The following SCD5 variants were observed in gnomAD, a reference collection of about 807,000 sequenced individuals.
SCD5 encodes the protein stearoyl-CoA desaturase 5, also known as acyl-CoA-desaturase 4.
SCD5 carries 20 observed loss-of-function variants against 30.4 expected under a neutral mutation model. The ratio of observed to expected loss-of-function variants is 0.66; its 90% CI spans 0.46 to 0.96. The LOEUF (loss-of-function observed/expected upper bound fraction) is 0.96. Among genes scored for constraint, SCD5 ranks in the 40% least tolerant of loss-of-function variants. The probability of loss-of-function intolerance (pLI) is 0.00; values close to 1 mark genes in which losing one functional copy is unlikely to be tolerated. For synonymous variants in SCD5, 173 were observed against 176.4 expected (o/e 0.98, Z 0.16); for missense variants, 381 against 443.3 (o/e 0.86, Z 1.26).
chr4:82,674,276 T>C (rs1728389547), intron 3 of SCD5, among the ~76,000 whole-genome samples: 2 of 152,170 alleles, frequency 1.3e-5, no homozygotes, highest in South Asian at 2.1e-4. Flanking sequence ...CCAAAATATA[T>C]GAAGAACTCT....
At chr4:82,729,760 TA>T (rs1720587072) in intron 1 of SCD5, among the ~76,000 whole-genome samples, 1 of 152,058 alleles carries the variant, frequency 6.6e-6, no homozygotes, top group African/African-American at 2.4e-5. Context: ...AAGCAGAACA[TA>T]AATCTGTAAA....
intron 1 of SCD5, among the ~76,000 whole-genome samples, chr4:82,748,525 G>T (rs1721040239): frequency 6.6e-6 from 1 of 152,196 alleles, no homozygotes; most frequent in South Asian, 2.1e-4. Flanking sequence ...CACCTGCCCA[G>T]CTGAGACTTA....
chr4:82,697,824 C>T (rs1236393727), intron 2 of SCD5, among the ~76,000 whole-genome samples: 2 of 152,162 alleles, frequency 1.3e-5, no homozygotes, highest in African/African-American at 2.4e-5. Flanking sequence ...CGGAGTATTC[C>T]GCATAACGGA....
At chr4:82,679,114 G>A (rs750299649) in intron 3 of SCD5, among the ~76,000 whole-genome samples, 3 of 150,200 alleles carry the variant, frequency 2.0e-5, no homozygotes, top group Non-Finnish European at 4.4e-5. Context: ...CAGGAGAATC[G>A]CTTGAACTCA....
chr4:82,760,995 T>A (rs529909727), intron 1 of SCD5, among the ~76,000 whole-genome samples: 3 of 152,342 alleles, frequency 2.0e-5, no homozygotes, highest in African/African-American at 7.2e-5. Flanking sequence ...TAGCCTTTAT[T>A]TGTGGCAAAT....
chr4:82,679,377 G>C (rs1296621373), intron 3 of SCD5, among the ~76,000 whole-genome samples: 2 of 152,016 alleles, frequency 1.3e-5, no homozygotes, highest in Non-Finnish European at 2.9e-5. Flanking sequence ...GATACCGGGT[G>C]TTTTCACCTA....
At chr4:82,638,249 T>A (rs950772213) in intron 3 of SCD5, among the ~76,000 whole-genome samples, 35 of 152,068 alleles carry the variant, frequency 2.3e-4, no homozygotes, top group South Asian at 4.2e-4. Flanking sequence ...ACCCTTCTCC[T>A]ATGCACAATT....
rs919131636 is a variant in SCD5, at chr4:82,653,674, A to G, written c.570-16851T>C. On this transcript the variant is annotated intron_variant, in intron 3 of 4. Transcript: ENST00000319540. ...ACTAGTTGGGCAGAATTTGAAAGTC[A>G]ATGATAGATAGATAGATAGATAGAT... Among the ~76,000 whole-genome samples, 16 of 127,190 alleles carry G rather than the reference A, an allele frequency of 1.3e-4. No individual in the cohort carries two copies. The East Asian group carries it at 3.9e-3, about 31-fold the overall frequency. The allele number at this position is 127,190 out of a possible 152,430, so 83.4% of individuals were successfully genotyped here. A position where few individuals can be genotyped will look rare whatever the true frequency, so the allele number is the denominator to read the frequency against.
chr4:82,722,015 T>C (rs1189431096), intron 1 of SCD5, among the ~76,000 whole-genome samples: 6 of 152,162 alleles, frequency 3.9e-5, no homozygotes, highest in Non-Finnish European at 5.9e-5. Flanking sequence ...CTGGGGACAG[T>C]GGGTGGCACT....
chr4:82,666,706 A>C (rs773616982), intron 3 of SCD5, among the ~76,000 whole-genome samples: 19 of 152,200 alleles, frequency 1.2e-4, no homozygotes, highest in Non-Finnish European at 2.5e-4. Context: ...ATGTTGCATA[A>C]AAACTAGCTA....
chr4:82,741,608 C>G (rs1258503542), intron 1 of SCD5, among the ~76,000 whole-genome samples: 1 of 152,078 alleles, frequency 6.6e-6, no homozygotes, highest in African/African-American at 2.4e-5. Flanking sequence ...GGCTGGTAGG[C>G]AGCAATAGAG....
At chr4:82,766,278 T>C (rs934098806) in intron 1 of SCD5, among the ~76,000 whole-genome samples, 1 of 152,218 alleles carries the variant, frequency 6.6e-6, no homozygotes, top group African/African-American at 2.4e-5. Context: ...CTTTCCTTCT[T>C]TTTCCAGTGT....
At position 82,680,700 on chromosome 4, in the gene SCD5, CACTT is replaced by C; in HGVS notation, c.569+3_569+6del. 1 of 1,614,026 alleles carries C rather than the reference CACTT, an allele frequency of 6.2e-7. No homozygotes were observed. The highest frequency in any genetic ancestry group is 8.5e-7 in the Non-Finnish European group (1 of 1,179,942). ...GGGACAGCTCTCCGTCATGCCCATTCACTTACTTTCTCTGGATCCGGACCACAGG... is the reference window on the plus strand; with the variant it reads ...GGGACAGCTCTCCGTCATGCCCATTCACTTTCTCTGGATCCGGACCACAGG... On this transcript the variant is annotated splice_donor_5th_base_variant and intron_variant, in intron 3 of 4. Transcript: ENST00000319540.
chr4:82,719,364 T>C (rs1026574557), intron 1 of SCD5, among the ~76,000 whole-genome samples: 2 of 151,554 alleles, frequency 1.3e-5, no homozygotes, highest in African/African-American at 4.9e-5. Context: ...ACTTACCCAC[T>C]AGACACAGTA....
At chr4:82,792,734 T>C (rs544255721) in intron 1 of SCD5, among the ~76,000 whole-genome samples, 1 of 152,298 alleles carries the variant, frequency 6.6e-6, no homozygotes, top group Admixed American at 6.5e-5. Flanking sequence ...AGAAAATACA[T>C]ATGCCCAAAT....
At chr4:82,753,307 G>T in intron 1 of SCD5, 1 of 520,254 alleles carries the variant, frequency 1.9e-6, no homozygotes. Flanking sequence ...AGCTCCCTGG[G>T]GTGGGGGTGG....
chr4:82,682,559 A>C (rs1310136649), intron 2 of SCD5, among the ~76,000 whole-genome samples: 2 of 152,190 alleles, frequency 1.3e-5, no homozygotes, highest in Non-Finnish European at 2.9e-5. Flanking sequence ...TTATACCATA[A>C]TATTCAATAC....
intron 3 of SCD5, among the ~76,000 whole-genome samples, chr4:82,650,923 C>T (rs1178665969): frequency 6.7e-6 from 1 of 150,184 alleles, no homozygotes; most frequent in Non-Finnish European, 1.5e-5. Context: ...AAACCTATTA[C>T]ATGGTAAATA....
intron 1 of SCD5, among the ~76,000 whole-genome samples, chr4:82,728,319 T>C (rs1720550083): frequency 1.3e-5 from 2 of 152,154 alleles, no homozygotes; most frequent in South Asian, 4.1e-4. Flanking sequence ...TTTCTAGTTT[T>C]ACCTTAAAGC....
Sources: gnomAD v4.1 joint callset for allele counts (sites outside exome capture counted in the v4.1 genomes callset) on GRCh38, gnomAD v4.1.1 for gene constraint, MANE v1.5 for transcripts, NCBI Gene and HGNC (gene_info 2026-07-23, HGNC 2026-07-21) for gene names.